Variants in DAOA observed in about 807,000 individuals in gnomAD.
DAOA encodes D-amino acid oxidase activator.
A neutral mutation model predicts 16.4 loss-of-function variants in DAOA; 15 were observed. That is an observed-to-expected ratio of 0.91 (90% CI 0.61 to 1.41). The LOEUF (loss-of-function observed/expected upper bound fraction) is 1.41. Among genes scored for constraint, DAOA ranks in the 40% most tolerant of loss-of-function variants. The pLI, the probability that DAOA is intolerant of heterozygous loss-of-function variation, is 0.00. For missense variants in DAOA, 230 were observed against 176.8 expected (o/e 1.30, Z -1.71); for synonymous variants, 75 against 59.1 (o/e 1.27, Z -1.23).
At chr13:105,485,393 A>G (rs995339247) in intron 4 of DAOA, among the ~76,000 whole-genome samples, 2 of 152,140 alleles carry the variant, frequency 1.3e-5, no homozygotes, top group African/African-American at 4.8e-5. Context: ...AGAAACCTGG[A>G]AGTCAACCAC....
At chr13:105,479,606 G>A (rs757811971) in intron 4 of DAOA, among the ~76,000 whole-genome samples, 3 of 152,102 alleles carry the variant, frequency 2.0e-5, no homozygotes, top group Admixed American at 2.0e-4. Flanking sequence ...TCTTCACATG[G>A]TCACCATTCC....
Position 105,467,106 on chromosome 13 carries a change from T to C in DAOA, c.98T>C (p.Leu33Pro). 1.2e-6 allele frequency: 2 copies of C among 1,610,992 alleles called. No individual in the cohort carries two copies. The highest frequency in any genetic ancestry group is 1.7e-6 in the Non-Finnish European group (2 of 1,178,086). ...IYFIGFQRSI[L>P]LSKSENSLNS... Reference sequence around the variant, plus strand: ...TTCATAGGTTTTCAAAGGAGCATTCTTCTGAGCAAATCTGAAAACTCTCTA... The same window carrying C: ...TTCATAGGTTTTCAAAGGAGCATTCCTCTGAGCAAATCTGAAAACTCTCTA... The change falls in exon 3 of 6, where the codon CTT becomes CCT. Residue 33 changes from leucine (L) to proline (P), a missense_variant. Coordinates refer to ENST00000375936, the MANE Select transcript of DAOA (RefSeq NM_172370.5).
At chr13:105,467,448 G>C (rs1876601862) in intron 3 of DAOA, among the ~76,000 whole-genome samples, 1 of 152,112 alleles carries the variant, frequency 6.6e-6, no homozygotes, top group African/African-American at 2.4e-5. Context: ...TTATTTTTGT[G>C]AAGTGGGAAT....
intron 2 of DAOA, 191 bp downstream of exon 2, chr13:105,466,523 C>T (rs1259661561): frequency 1.2e-6 from 1 of 867,792 alleles, no homozygotes; most frequent in African/African-American, 1.7e-5. Flanking sequence ...AGAACCTAGC[C>T]AAGGATCACT....
chr13:105,486,973 A>T (rs991307766), intron 4 of DAOA, among the ~76,000 whole-genome samples: 2 of 151,966 alleles, frequency 1.3e-5, no homozygotes, highest in African/African-American at 4.8e-5. Context: ...TCCCCTCTCC[A>T]TTACAGGTCT....
intron 3 of DAOA, among the ~76,000 whole-genome samples, chr13:105,470,561 C>T (rs140536905): frequency 6.6e-6 from 1 of 152,182 alleles, no homozygotes; most frequent in East Asian, 1.9e-4. Flanking sequence ...TAAAATAAAG[C>T]AGCTCACCCA....
intron 4 of DAOA, among the ~76,000 whole-genome samples, chr13:105,475,673 A>G (rs547646393): frequency 1.3e-5 from 2 of 152,322 alleles, no homozygotes; most frequent in Admixed American, 6.5e-5. Flanking sequence ...CAAAGGCTGT[A>G]TTTATGAAGG....
At chr13:105,486,144 T>C (rs1449857957) in intron 4 of DAOA, among the ~76,000 whole-genome samples, 1 of 152,196 alleles carries the variant, frequency 6.6e-6, no homozygotes, top group African/African-American at 2.4e-5. Context: ...AAACTTTTAG[T>C]GGCTCCTTAT....
intron 4 of DAOA, among the ~76,000 whole-genome samples, chr13:105,479,692 C>T (rs1324628876): frequency 6.6e-6 from 1 of 152,200 alleles, no homozygotes; most frequent in Non-Finnish European, 1.5e-5. Context: ...AGTATTACCT[C>T]ATCTTAACTA....
intron 4 of DAOA, among the ~76,000 whole-genome samples, chr13:105,478,489 G>A (rs1203812359): frequency 1.3e-5 from 2 of 152,156 alleles, no homozygotes; most frequent in African/African-American, 4.8e-5. Context: ...AAATTCCAAA[G>A]AGAAAGGGCA....
At chr13:105,466,154 A>G in intron 1 of DAOA, 62 bp from the exon 2 acceptor site, 7 of 1,381,536 alleles carry the variant, frequency 5.1e-6, no homozygotes, top group Non-Finnish European at 6.8e-6. Context: ...AAAGAGCTAC[A>G]CCCCAAATTA....
At chr13:105,489,635 C>A in intron 4 of DAOA, 1 of 718,218 alleles carries the variant, frequency 1.4e-6, no homozygotes, top group South Asian at 2.3e-5. Flanking sequence ...CCTCAATTCT[C>A]AGGCAATTCC....
At chr13:105,484,793 T>C (rs1385874950) in intron 4 of DAOA, among the ~76,000 whole-genome samples, 2 of 152,196 alleles carry the variant, frequency 1.3e-5, no homozygotes, top group African/African-American at 2.4e-5. Flanking sequence ...GGATGCCTTT[T>C]ATTTATTGCT....
intron 4 of DAOA, among the ~76,000 whole-genome samples, chr13:105,476,017 TA>T (rs1877305790): frequency 1.3e-5 from 2 of 152,178 alleles, no homozygotes; most frequent in South Asian, 4.1e-4. Context: ...TGGGTTATGA[TA>T]GGGGAGAGGA....
rs150446061 is a variant in DAOA, at chr13:105,489,845, G to A, written c.282-56G>A. ...GGGAAAGGTGATGACACTTGACTCC[G>A]GTGATGAGGTTACCTTTCACAAGAC... is the stretch of plus-strand genomic sequence containing the variant. On this transcript the variant is annotated intron_variant, in intron 4 of 5. Coordinates refer to ENST00000375936, the MANE Select transcript of DAOA (RefSeq NM_172370.5). 668 of 1,613,522 alleles carry A rather than the reference G, an allele frequency of 4.1e-4. 2 individuals are homozygous for A. Among genetic ancestry groups the A allele is most frequent in the Middle Eastern group, 1.2e-3 (7 of 6,010 alleles).
Position 105,475,407 on chromosome 13 carries a change from G to T in DAOA, c.281+2722G>T, listed in dbSNP as rs144284643. Among the ~76,000 whole-genome samples, 604 of 152,260 alleles carry T rather than the reference G, an allele frequency of 4.0e-3. 5 individuals are homozygous for T. Among genetic ancestry groups the T allele is most frequent in the African/African-American group, 0.014 (579 of 41,556 alleles). On this transcript the variant is annotated intron_variant, in intron 4 of 5. Coordinates refer to ENST00000375936, the MANE Select transcript of DAOA (RefSeq NM_172370.5). ...CAGGTGGCTAAATGGGAGTACTAAA[G>T]AGGTTAAATTTAATTCAGGAAAGGA... is the stretch of plus-strand genomic sequence containing the variant.
At chr13:105,483,897 T>A (rs917861838) in intron 4 of DAOA, among the ~76,000 whole-genome samples, 4 of 152,174 alleles carry the variant, frequency 2.6e-5, no homozygotes, top group Non-Finnish European at 4.4e-5. Context: ...GTCCAGTTTA[T>A]CACATTTATT....
chr13:105,467,959 G>A (rs535391059), intron 3 of DAOA, among the ~76,000 whole-genome samples: 1 of 152,264 alleles, frequency 6.6e-6, no homozygotes, highest in South Asian at 2.1e-4. Flanking sequence ...AGCAAGGAAT[G>A]GGCAGGGCTG....
intron 3 of DAOA, among the ~76,000 whole-genome samples, chr13:105,472,248 G>A (rs946727096): frequency 2.0e-5 from 3 of 152,116 alleles, no homozygotes; most frequent in Admixed American, 6.5e-5. Flanking sequence ...TAATTTTTTC[G>A]TGCCATTTTG....
Sources: gnomAD v4.1 joint callset for allele counts (sites outside exome capture counted in the v4.1 genomes callset) on GRCh38, gnomAD v4.1.1 for gene constraint, MANE v1.5 for transcripts, NCBI Gene and HGNC (gene_info 2026-07-23, HGNC 2026-07-21) for gene names.